CXCL9: variants seen among roughly 807,000 people sequenced by gnomAD.
CXCL9 encodes C-X-C motif chemokine 9.
Under a neutral mutation model 11.7 loss-of-function variants are expected in CXCL9, and 8 were observed. The ratio of observed to expected loss-of-function variants is 0.68; its 90% CI spans 0.40 to 1.23. The LOEUF (loss-of-function observed/expected upper bound fraction) is 1.23. Among genes scored for constraint, CXCL9 ranks in the 50% most tolerant of loss-of-function variants. CXCL9 has a pLI of 0.01. For missense variants in CXCL9, 133 were observed against 141.7 expected (o/e 0.94, Z 0.31); for synonymous variants, 43 against 48.2 (o/e 0.89, Z 0.45).
chr4:76,007,247 C>A, intron 1 of CXCL9, 139 bp downstream of exon 1: 1 of 692,232 alleles, frequency 1.4e-6, no homozygotes, highest in South Asian at 1.7e-5. Flanking sequence ...GATAACTGGT[C>A]ATGTCACTGA....
rs1336187300 is a variant in CXCL9 at position 76,003,189 on chromosome 4, C to T, written c.*409G>A. 1 of 163,568 alleles carries T rather than the reference C, an allele frequency of 6.1e-6. No homozygotes were observed. The highest frequency in any genetic ancestry group is 1.3e-5 in the Non-Finnish European group (1 of 76,040). 10.1% of individuals were successfully genotyped at this position (163,568 alleles called of 1,614,324 possible). On this transcript the variant is annotated 3_prime_UTR_variant, in exon 4 of 4. Transcript: ENST00000264888. ...GCTCAATTTCAAACTGCTTGGCTCA[C>T]CAGCATGCTAACAGGCTTAGGACTT... is the stretch of plus-strand genomic sequence containing the variant.
At position 76,003,296 on chromosome 4, in the gene CXCL9, G is replaced by A. The variant is rs1179510077; in HGVS notation, c.*302C>T. 3.8e-6 allele frequency: 1 copy of A among 262,130 alleles called. No homozygotes were observed. The highest frequency in any genetic ancestry group is 5.9e-5 in the South Asian group (1 of 17,074). The allele number at this position is 262,130 out of a possible 1,614,324, so 16.2% of individuals were successfully genotyped here. On this transcript the variant is annotated 3_prime_UTR_variant, in exon 4 of 4. Coordinates refer to ENST00000264888, the MANE Select transcript of CXCL9 (RefSeq NM_002416.3). ...GCTCTTCCAGGCAGCTGTTGTGAGT[G>A]GGATGTGGTTGGGTGAACATCTGTG...
At chr4:76,006,318 T>C (rs1451669537) in intron 1 of CXCL9, 44 bp from the exon 2 acceptor site, 1 of 1,578,342 alleles carries the variant, frequency 6.3e-7, no homozygotes, top group Admixed American at 1.8e-5. Context: ...TAGGCCAATG[T>C]TTCAGTTTAG....
chr4:76,006,647 T>A (rs1731592955), intron 1 of CXCL9, among the ~76,000 whole-genome samples: 1 of 152,220 alleles, frequency 6.6e-6, no homozygotes, highest in Non-Finnish European at 1.5e-5. Flanking sequence ...ATGTATGCTA[T>A]GCTGATCACA....
intron 2 of CXCL9, 81 bp from the exon 3 acceptor site, chr4:76,004,974 T>C (rs1560567633): frequency 1.4e-6 from 2 of 1,398,658 alleles, no homozygotes; most frequent in Non-Finnish European, 1.9e-6. Context: ...AAAATCAGTA[T>C]GAATTGTGCT....
intron 3 of CXCL9, 100 bp downstream of exon 3, chr4:76,004,709 A>G (rs761922086): frequency 5.7e-6 from 8 of 1,397,674 alleles, no homozygotes; most frequent in Non-Finnish European, 6.5e-6. Flanking sequence ...TGTATTCTTA[A>G]AAGTTATGTA....
chr4:76,006,195 G>A lies in CXCL9; in HGVS notation c.144C>T (p.Asp48=). ...QGTIHLQSLK[D]LKQFAPSPSC... ...AAGGGCTTGGGGCAAATTGTTTAAG[G>A]TCTTTCAAGGATTGTAGGTGGATAG... The change falls in exon 2 of 4, where the codon GAC becomes GAT. Residue 48 remains aspartate (D), a synonymous_variant. Transcript: ENST00000264888. The A allele has an allele frequency of 6.2e-7, 1 of 1,613,728 alleles. No individual in the cohort carries two copies. Among genetic ancestry groups the A allele is most frequent in the Non-Finnish European group, 8.5e-7 (1 of 1,179,684 alleles).
rs542546338 is a variant in CXCL9, at chr4:76,007,121, T to TA, written c.64+264dup. Among the ~76,000 whole-genome samples, 103 of 152,296 alleles carry TA rather than the reference T, an allele frequency of 6.8e-4. 1 individual carries two copies. In the South Asian group the frequency reaches 9.5e-3, roughly 14 times the overall value. On this transcript the variant is annotated intron_variant, in intron 1 of 3. Transcript: ENST00000264888. ...AGGGAGAAGAAAATAATTTAGGAGA[T>TA]AGAGTTCTCATTATTACCCAGTTCA...
intron 2 of CXCL9, 35 bp downstream of exon 2, chr4:76,006,113 T>C: frequency 1.3e-6 from 2 of 1,597,684 alleles, no homozygotes; most frequent in South Asian, 1.1e-5. Flanking sequence ...TTCTTGCCAA[T>C]ATGGTGCATG....
intron 3 of CXCL9, 81 bp downstream of exon 3, chr4:76,004,728 G>T: frequency 6.6e-7 from 1 of 1,505,656 alleles, no homozygotes; most frequent in Non-Finnish European, 8.8e-7. Flanking sequence ...TATTCTTATA[G>T]TGTTAATGAA....
chr4:76,006,052 G>T, intron 2 of CXCL9, 96 bp downstream of exon 2: 2 of 1,109,786 alleles, frequency 1.8e-6, no homozygotes, highest in East Asian at 2.5e-5. Flanking sequence ...TGATTTTTAA[G>T]TGTTTGTATG....
In CXCL9 at chr4:76,002,605, T is replaced by C; in HGVS notation, c.*993A>G. On this transcript the variant is annotated 3_prime_UTR_variant, in exon 4 of 4. Coordinates refer to ENST00000264888, the MANE Select transcript of CXCL9 (RefSeq NM_002416.3). ...GTGGAAGAAACAGGGAAATATACTG[T>C]GGCTCTTGCCCTCAAGGAGCTGACA... is the stretch of plus-strand genomic sequence containing the variant. 1 of 367,796 alleles carries C rather than the reference T, an allele frequency of 2.7e-6. No individual in the cohort carries two copies. Among genetic ancestry groups the C allele is most frequent in the Non-Finnish European group, 4.8e-6 (1 of 207,270 alleles). 22.8% of individuals were successfully genotyped at this position (367,796 alleles called of 1,614,324 possible).
rs115116604 is a variant in CXCL9 at position 76,003,504 on chromosome 4, C to G, written c.*94G>C. On this transcript the variant is annotated 3_prime_UTR_variant, in exon 4 of 4. Coordinates refer to ENST00000264888, the MANE Select transcript of CXCL9 (RefSeq NM_002416.3). Reference sequence around the variant, plus strand: ...TAAATTTTCTAGTCAAATTAATAAGCCTTTGTATTATATGCCATCCTCCTT... The same window carrying G: ...TAAATTTTCTAGTCAAATTAATAAGGCTTTGTATTATATGCCATCCTCCTT... The G allele has an allele frequency of 0.013, 8,866 of 706,160 alleles. 82 individuals carry two copies. The highest frequency in any genetic ancestry group is 0.032 in the Middle Eastern group (131 of 4,044). 43.7% of individuals were successfully genotyped at this position (706,160 alleles called of 1,614,324 possible). A position where few individuals can be genotyped will look rare whatever the true frequency, so the allele number is the denominator to read the frequency against.
At chr4:76,005,675 A>G (rs1436747330) in intron 2 of CXCL9, 1 of 152,368 alleles carries the variant, frequency 6.6e-6, no homozygotes, top group Admixed American at 6.5e-5. Context: ...TGACATTATT[A>G]GAGATTTACT....
At position 76,003,203 on chromosome 4, in the gene CXCL9, G is replaced by T; in HGVS notation, c.*395C>A. ...TGCTTGGCTCACCAGCATGCTAACA[G>T]GCTTAGGACTTGCTGACATGTGCCT... On this transcript the variant is annotated 3_prime_UTR_variant, in exon 4 of 4. Coordinates refer to ENST00000264888, the MANE Select transcript of CXCL9 (RefSeq NM_002416.3). The T allele has an allele frequency of 5.8e-6, 1 of 172,938 alleles. No homozygotes were observed. The highest frequency in any genetic ancestry group is 1.2e-5 in the Non-Finnish European group (1 of 82,138). The allele number at this position is 172,938 out of a possible 1,614,324, so 10.7% of individuals were successfully genotyped here.
At chr4:76,006,406 C>T in intron 1 of CXCL9, 132 bp from the exon 2 acceptor site, 2 of 846,512 alleles carry the variant, frequency 2.4e-6, no homozygotes, top group Non-Finnish European at 3.6e-6. Context: ...ATAATCACCA[C>T]AAACCTTTGA....
intron 3 of CXCL9, 93 bp downstream of exon 3, chr4:76,004,716 T>C (rs558080224): frequency 2.0e-4 from 291 of 1,428,450 alleles, no homozygotes; most frequent in Non-Finnish European, 2.6e-4. Context: ...TTAAAAGTTA[T>C]GTATTCTTAT....
intron 2 of CXCL9, chr4:76,005,377 C>T (rs1367116786): frequency 6.6e-6 from 1 of 152,256 alleles, no homozygotes; most frequent in Non-Finnish European, 1.5e-5. Flanking sequence ...TTACAGTAGA[C>T]TGTCTGGAAA....
chr4:76,001,854 G>C lies in CXCL9; in HGVS notation c.*1744C>G, dbSNP rs1242287077. 1 of 166,564 alleles carries C rather than the reference G, an allele frequency of 6.0e-6. No homozygotes were observed. Among genetic ancestry groups the C allele is most frequent in the Non-Finnish European group, 1.3e-5 (1 of 77,740 alleles). 10.3% of individuals were successfully genotyped at this position (166,564 alleles called of 1,614,324 possible). A position where few individuals can be genotyped will look rare whatever the true frequency, so the allele number is the denominator to read the frequency against. On this transcript the variant is annotated 3_prime_UTR_variant, in exon 4 of 4. Transcript: ENST00000264888. ...GTGAGCAGTGATTCAATTTGGGAAA[G>C]TGAGTATAGGTTTAAATTCTGGCCA...
Sources: gnomAD v4.1 joint callset for allele counts (sites outside exome capture counted in the v4.1 genomes callset) on GRCh38, gnomAD v4.1.1 for gene constraint, MANE v1.5 for transcripts, NCBI Gene and HGNC (gene_info 2026-07-23, HGNC 2026-07-21) for gene names.